The following ANTXR1 variants were observed in gnomAD, a reference collection of about 807,000 sequenced individuals.
ANTXR1 encodes ANTXR cell adhesion molecule 1, also known as anthrax toxin receptor 1.
A neutral mutation model predicts 78.1 loss-of-function variants in ANTXR1; 19 were observed. The ratio of observed to expected loss-of-function variants is 0.24; its 90% CI spans 0.17 to 0.36. The LOEUF is 0.36. Among genes scored for constraint, ANTXR1 ranks in the 10% least tolerant of loss-of-function variants. The pLI is 1.00. For missense variants in ANTXR1, 518 were observed against 718.6 expected (o/e 0.72, Z 3.19); for synonymous variants, 273 against 260.5 (o/e 1.05, Z -0.46).
At chr2:69,103,065 G>T in intron 10 of ANTXR1, 125 bp downstream of exon 10, 1 of 1,034,706 alleles carries the variant, frequency 9.7e-7, no homozygotes, top group Non-Finnish European at 1.5e-6. Flanking sequence ...TTGCTGGAAA[G>T]ACCCCCAGCA....
At chr2:69,171,889 A>G (rs920650142) in intron 14 of ANTXR1, among the ~76,000 whole-genome samples, 5 of 152,248 alleles carry the variant, frequency 3.3e-5, no homozygotes, top group Non-Finnish European at 5.9e-5. Flanking sequence ...TAAAAGTTGT[A>G]GTTACACCCA....
intron 17 of ANTXR1, among the ~76,000 whole-genome samples, chr2:69,233,823 TATTAA>T (rs1412613673): frequency 6.6e-6 from 1 of 151,756 alleles, no homozygotes; most frequent in Non-Finnish European, 1.5e-5. Flanking sequence ...AAATGGAAAA[TATTAA>T]ATTATATCAA....
chr2:69,203,944 C>G (rs989260757), intron 17 of ANTXR1, among the ~76,000 whole-genome samples: 1 of 152,174 alleles, frequency 6.6e-6, no homozygotes, highest in Non-Finnish European at 1.5e-5. Context: ...ATAAAGCAAC[C>G]CTGTTCAAAT....
chr2:69,111,798 T>C (rs1316009258), intron 10 of ANTXR1, among the ~76,000 whole-genome samples: 1 of 152,166 alleles, frequency 6.6e-6, no homozygotes, highest in Non-Finnish European at 1.5e-5. Flanking sequence ...AGGGTGTTGT[T>C]TTCAAAAACA....
rs4241348 is a variant in ANTXR1, at chr2:69,090,997, T to G, written c.703+78T>G. On this transcript the variant is annotated intron_variant, in intron 9 of 17. Transcript: ENST00000303714. ...TTCAAGTCACGTATGTACTTCATTG[T>G]TGGTGGGGTGGGAAAGAGGAACAGG... 0.92 allele frequency: 1,314,826 copies of G among 1,435,346 alleles called. 602,895 individuals are homozygous for G. The highest frequency in any genetic ancestry group is 0.99 in the African/African-American group (70,559 of 71,594). 88.9% of individuals were successfully genotyped at this position (1,435,346 alleles called of 1,614,324 possible). A position where few individuals can be genotyped will look rare whatever the true frequency, so the allele number is the denominator to read the frequency against.
chr2:69,233,681 A>C (rs1368625126), intron 17 of ANTXR1, among the ~76,000 whole-genome samples: 1 of 151,952 alleles, frequency 6.6e-6, no homozygotes, highest in Non-Finnish European at 1.5e-5. Flanking sequence ...TTTTTAACAG[A>C]AGTAAGGATA....
chr2:69,195,944 C>T (rs949634647), intron 17 of ANTXR1, among the ~76,000 whole-genome samples: 27 of 152,014 alleles, frequency 1.8e-4, no homozygotes, highest in Admixed American at 1.1e-3. Context: ...AATTCATAAA[C>T]TGGGTCAACC....
rs992598680 is a variant in ANTXR1, at chr2:69,239,096, G to A, written c.1435-6129G>A. On this transcript the variant is annotated intron_variant, in intron 17 of 17. Transcript: ENST00000303714. ...TTACCACAATAATAGAAAAGCAGAA[G>A]GCAGACCTCCAATTTTGAAGTTTCA... 4.6e-5 allele frequency among the ~76,000 whole-genome samples: 7 copies of A among 152,110 alleles called. 1 individual carries two copies. Among genetic ancestry groups the A allele is most frequent in the Non-Finnish European group, 1.0e-4 (7 of 67,996 alleles).
intron 12 of ANTXR1, among the ~76,000 whole-genome samples, chr2:69,140,744 T>G (rs1179681135): frequency 6.6e-6 from 1 of 152,260 alleles, no homozygotes; most frequent in African/African-American, 2.4e-5. Flanking sequence ...AGTTTGGAGA[T>G]AATTAGATTC....
intron 3 of ANTXR1, among the ~76,000 whole-genome samples, chr2:69,052,833 C>T (rs1405069727): frequency 1.3e-5 from 2 of 151,818 alleles, no homozygotes; most frequent in Non-Finnish European, 2.9e-5. Context: ...CCTGTAATTA[C>T]CAGTCTAAGT....
intron 17 of ANTXR1, among the ~76,000 whole-genome samples, chr2:69,234,450 T>C (rs915689527): frequency 1.3e-5 from 2 of 152,188 alleles, no homozygotes; most frequent in African/African-American, 4.8e-5. Flanking sequence ...AGTTAACATT[T>C]ACTGGGTAAT....
At chr2:69,176,190 C>T (rs1004713461) in intron 14 of ANTXR1, among the ~76,000 whole-genome samples, 17 of 150,134 alleles carry the variant, frequency 1.1e-4, no homozygotes, top group African/African-American at 4.2e-4. Flanking sequence ...AAAAAAAGAA[C>T]ATTGCTGCTA....
At chr2:69,159,229 T>C (rs1408888689) in intron 13 of ANTXR1, among the ~76,000 whole-genome samples, 1 of 152,206 alleles carries the variant, frequency 6.6e-6, no homozygotes, top group Admixed American at 6.5e-5. Context: ...GAGAGGTTAA[T>C]GGTATATGAG....
chr2:69,021,570 T>C (rs1174018291), intron 1 of ANTXR1, among the ~76,000 whole-genome samples: 1 of 152,168 alleles, frequency 6.6e-6, no homozygotes, highest in African/African-American at 2.4e-5. Context: ...AGATGATGTC[T>C]TGCTGGCCAT....
At chr2:69,210,935 CAAAAAA>C (rs1159790329) in intron 17 of ANTXR1, among the ~76,000 whole-genome samples, 1 of 43,540 alleles carries the variant, frequency 2.3e-5, no homozygotes, top group Admixed American at 2.2e-4. Context: ...GACTCCATCA[CAAAAAA>C]AAAAAAAAAA....
chr2:69,125,580 C>T (rs1469857111), intron 12 of ANTXR1, among the ~76,000 whole-genome samples: 7 of 152,214 alleles, frequency 4.6e-5, no homozygotes, highest in Admixed American at 4.6e-4. Context: ...GTGGCACAGG[C>T]CTGTAATCCC....
At chr2:69,115,527 T>C (rs914997955) in intron 10 of ANTXR1, among the ~76,000 whole-genome samples, 1 of 152,230 alleles carries the variant, frequency 6.6e-6, no homozygotes, top group Non-Finnish European at 1.5e-5. Context: ...TTTTGAGTTA[T>C]GAATAGAGTG....
chr2:69,144,532 A>G (rs1172865934), intron 12 of ANTXR1, among the ~76,000 whole-genome samples: 1 of 152,180 alleles, frequency 6.6e-6, no homozygotes, highest in African/African-American at 2.4e-5. Context: ...GGGGAGCCTC[A>G]CATCATCAGC....
At chr2:69,141,878 A>G (rs1171243147) in intron 12 of ANTXR1, among the ~76,000 whole-genome samples, 1 of 152,180 alleles carries the variant, frequency 6.6e-6, no homozygotes, top group Non-Finnish European at 1.5e-5. Context: ...CACTGCCTCC[A>G]GGCCCCACTG....
Sources: allele counts gnomAD v4.1 joint callset (sites outside exome capture counted in the v4.1 genomes callset), GRCh38; gene constraint gnomAD v4.1.1; transcripts MANE v1.5; gene names NCBI Gene and HGNC (gene_info 2026-07-23, HGNC 2026-07-21).